Variants in PTCH2 observed in about 807,000 individuals in gnomAD.
PTCH2 encodes the protein patched 2, also known as protein patched homolog 2.
Under a neutral mutation model 117.9 loss-of-function variants are expected in PTCH2, and 96 were observed. The ratio of observed to expected loss-of-function variants is 0.81; its 90% CI spans 0.69 to 0.96. The LOEUF is 0.96. Among genes scored for constraint, PTCH2 ranks in the 50% least tolerant of loss-of-function variants. The pLI, the probability that PTCH2 is intolerant of heterozygous loss-of-function variation, is 0.00. For synonymous variants in PTCH2, 615 were observed against 660.9 expected, an observed-to-expected ratio of 0.93 and a Z score of 1.06; for missense variants, 1,379 against 1,562.5, an observed-to-expected ratio of 0.88 and a Z score of 1.98.
intron 1 of PTCH2, among the ~76,000 whole-genome samples, chr1:44,842,274 C>CT (rs200149437): frequency 0.03 from 3,872 of 130,374 alleles, 71 homozygotes; most frequent in African/African-American, 0.044. Flanking sequence ...GTTTTCTCTC[C>CT]TTTTTTTTTT....
At position 44,826,881 on chromosome 1, in the gene PTCH2, C is replaced by A. The variant is rs556049803; in HGVS notation, c.2695+21G>T. 1.9e-6 allele frequency: 3 copies of A among 1,613,778 alleles called. No homozygotes were observed. The highest frequency in any genetic ancestry group is 2.2e-5 in the East Asian group (1 of 44,870). On this transcript the variant is annotated intron_variant, in intron 17 of 21. Coordinates refer to ENST00000372192, the MANE Select transcript of PTCH2 (RefSeq NM_003738.5). This position sits in a 1 kb window ranked among gnomAD's most constrained non-coding sequence, Gnocchi z 5.1. Reference sequence around the variant, plus strand: ...GTGTGGGCGAGGCTGAGGCTCTTGCCGAGCTCCCCCCAAGACTCACTGCGA... The same window carrying A: ...GTGTGGGCGAGGCTGAGGCTCTTGCAGAGCTCCCCCCAAGACTCACTGCGA...
chr1:44,820,528 C>T (rs1473877932), downstream of PTCH2: 5 of 678,820 alleles, frequency 7.4e-6, no homozygotes, highest in Non-Finnish European at 1.4e-5. Context: ...ATCCAATTCA[C>T]CTCGAAGGGT....
chr1:44,828,236 C>T (rs769618512), intron 13 of PTCH2, 45 bp from the exon 14 acceptor site: 2 of 1,612,874 alleles, frequency 1.2e-6, no homozygotes, highest in Non-Finnish European at 1.7e-6. Context: ...CCTTGAAATG[C>T]TGGTGAGGGG....
At position 44,823,198 on chromosome 1, in the gene PTCH2, CAG is replaced by C. The variant is rs750342578; in HGVS notation, c.3258-32_3258-31del. The C allele has an allele frequency of 2.5e-6, 4 of 1,614,138 alleles. No homozygotes were observed. The highest frequency in any genetic ancestry group is 3.4e-6 in the Non-Finnish European group (4 of 1,180,006). On this transcript the variant is annotated intron_variant, in intron 20 of 21. Coordinates refer to ENST00000372192, the MANE Select transcript of PTCH2 (RefSeq NM_003738.5). This position sits in a 1 kb window ranked among gnomAD's most constrained non-coding sequence, Gnocchi z 5.1. ...GGGTAGGGTGTGGGGGGAGTCAGCC[CAG>C]GCCTGTCCTGAGCCCTGCCTCCCTG...
rs1161806201 is a variant in PTCH2, at chr1:44,840,101, A to ATT, written c.265+1744_265+1745dup. ...CAGGAAAGAAGAGAGTCATGCTGAA[A>ATT]TTTTTTTTTTTTTTTTTTTGAGATG... On this transcript the variant is annotated intron_variant, in intron 2 of 21. Transcript: ENST00000372192. Among the ~76,000 whole-genome samples, 829 of 132,306 alleles carry ATT rather than the reference A, an allele frequency of 6.3e-3. 1 individual carries two copies. Among genetic ancestry groups the ATT allele is most frequent in the African/African-American group, 9.3e-3 (316 of 33,840 alleles). The allele number at this position is 132,306 out of a possible 152,430, so 86.8% of individuals were successfully genotyped here. A position where few individuals can be genotyped will look rare whatever the true frequency, so the allele number is the denominator to read the frequency against.
chr1:44,826,782 G>A lies in PTCH2; in HGVS notation c.2696-14C>T, dbSNP rs979582579. ...GAGCTGGCGGGACTGTGGAGGGGAGGGGAAGGGAGAAGAGGGAGAGGGACA... is the reference window on the plus strand; with the variant it reads ...GAGCTGGCGGGACTGTGGAGGGGAGAGGAAGGGAGAAGAGGGAGAGGGACA... On this transcript the variant is annotated splice_polypyrimidine_tract_variant and intron_variant, in intron 17 of 21. Transcript: ENST00000372192. The surrounding 1 kb of genome is among the most constrained non-coding windows in gnomAD (Gnocchi z 5.1). 3 of 1,600,838 alleles carry A rather than the reference G, an allele frequency of 1.9e-6. No homozygotes were observed. In the African/African-American group the frequency reaches 4.0e-5, roughly 21 times the overall value.
intron 2 of PTCH2, among the ~76,000 whole-genome samples, chr1:44,841,417 G>T (rs933169462): frequency 6.6e-6 from 1 of 152,088 alleles, no homozygotes; most frequent in Non-Finnish European, 1.5e-5. Context: ...TGATTCTGCT[G>T]GTCAGAAGTG....
At position 44,827,910 on chromosome 1, in the gene PTCH2, G is replaced by A. The variant is rs1461435360; in HGVS notation, c.1991C>T (p.Ala664Val). 7.4e-6 allele frequency: 12 copies of A among 1,614,088 alleles called. No individual in the cohort carries two copies. The highest frequency in any genetic ancestry group is 1.0e-5 in the Non-Finnish European group (12 of 1,180,050). Residue 664 changes from alanine (A) to valine (V), a missense_variant, in exon 14 of 22, where the codon GCC becomes GTC. Ala to Val is a moderately conservative substitution (Grantham distance 64). Transcript: ENST00000372192. ...QKAACKSLPC[A>V]RWNLAHFARY... The stretch of plus-strand genomic sequence containing the variant: ...GGCGAAATGGGCAAGATTCCAGCGG[G>A]CACAGGGCAGGGACTTGCAGGCTGC...
chr1:44,842,274 CTTTTTTTTTT>C (rs200149437), intron 1 of PTCH2, among the ~76,000 whole-genome samples: 1 of 130,904 alleles, frequency 7.6e-6, no homozygotes, highest in Non-Finnish European at 1.6e-5. Flanking sequence ...GTTTTCTCTC[CTTTTTTTTTT>C]TTTTTTTTTT....
chr1:44,828,492 G>C lies in PTCH2; in HGVS notation c.1590+14C>G, dbSNP rs750271732. ...CCACACCCACCCTGAGCTGCCCCGT[G>C]TGAGAGGCCTCACCTGTAGGGAGAA... On this transcript the variant is annotated intron_variant, in intron 12 of 21. Coordinates refer to ENST00000372192, the MANE Select transcript of PTCH2 (RefSeq NM_003738.5). 1 of 1,614,180 alleles carries C rather than the reference G, an allele frequency of 6.2e-7. No individual in the cohort carries two copies. The highest frequency in any genetic ancestry group is 1.7e-5 in the Admixed American group (1 of 60,032).
In PTCH2 at chr1:44,842,922, G is replaced by A. The variant is rs1654019978; in HGVS notation, c.11C>T (p.Ser4Leu). ...CGGGGGCAGCTCTCTGAGGGGCGGCGATCGAGTCATGCTGGCGGGGATGGG... is the reference window on the plus strand; with the variant it reads ...CGGGGGCAGCTCTCTGAGGGGCGGCAATCGAGTCATGCTGGCGGGGATGGG... MTR[S>L]PPLRELPPSY... The change falls in exon 1 of 22, where the codon TCG (serine) becomes TTG (leucine). Residue 4 changes from serine (S) to leucine (L), a missense_variant. Coordinates refer to ENST00000372192, the MANE Select transcript of PTCH2 (RefSeq NM_003738.5). 6.5e-7 allele frequency: 1 copy of A among 1,546,554 alleles called. No individual in the cohort carries two copies.
Position 44,823,929 on chromosome 1 carries a change from C to T in PTCH2, c.3115-544G>A, listed in dbSNP as rs1653028685. Among the ~76,000 whole-genome samples, 1 of 146,802 alleles carries T rather than the reference C, an allele frequency of 6.8e-6. No individual in the cohort carries two copies. The highest frequency in any genetic ancestry group is 2.6e-5 in the African/African-American group (1 of 37,800). On this transcript the variant is annotated intron_variant, in intron 19 of 21. Coordinates refer to ENST00000372192, the MANE Select transcript of PTCH2 (RefSeq NM_003738.5). The surrounding 1 kb of genome is among the most constrained non-coding windows in gnomAD (Gnocchi z 5.1). Reference sequence around the variant, plus strand: ...CTCCAGCCTGGGCGACAGAGTGAGACCCTGTTTCAAACAAACAAACAAACA... The same window carrying T: ...CTCCAGCCTGGGCGACAGAGTGAGATCCTGTTTCAAACAAACAAACAAACA...
rs1274966701 is a variant in PTCH2, at chr1:44,830,092, G to A, written c.814-62C>T. 2.5e-6 allele frequency: 4 copies of A among 1,599,776 alleles called. No homozygotes were observed. In the East Asian group the frequency reaches 9.0e-5, roughly 36 times the overall value. ...TGGCCGTGGATAACTGAGTGTCCCTGGGCTTCCACCTCCAGGAACCACGCT... is the reference window on the plus strand; with the variant it reads ...TGGCCGTGGATAACTGAGTGTCCCTAGGCTTCCACCTCCAGGAACCACGCT... On this transcript the variant is annotated intron_variant, in intron 6 of 21. Transcript: ENST00000372192.
chr1:44,822,551 G>C lies in PTCH2; in HGVS notation c.3476C>G (p.Ser1159Cys). 2 of 1,614,118 alleles carry C rather than the reference G, an allele frequency of 1.2e-6. No homozygotes were observed. Among genetic ancestry groups the C allele is most frequent in the South Asian group, 1.1e-5 (1 of 91,086 alleles). ...LPQSFARVTT[S>C]MTVAIHPPPL... is the part of the protein sequence containing the mutation. ...GGGTGGGTGGATGGCCACGGTCATG[G>C]AGGTAGTCACTCTGGCAAAGCTCTG... Residue 1159 changes from serine to cysteine, a missense_variant, in exon 22 of 22, where the codon TCC becomes TGC. Physicochemically the swap from Ser to Cys is moderately radical, Grantham distance 112. Coordinates refer to ENST00000372192, the MANE Select transcript of PTCH2 (RefSeq NM_003738.5).
chr1:44,834,761 TGCAGAA>T (rs938150140), intron 2 of PTCH2, among the ~76,000 whole-genome samples: 5 of 152,230 alleles, frequency 3.3e-5, no homozygotes, highest in African/African-American at 1.2e-4. Context: ...TGCATTGTGG[TGCAGAA>T]AGGAAGAGTC....
At chr1:44,833,888 C>T (rs1653569672) in intron 2 of PTCH2, among the ~76,000 whole-genome samples, 1 of 151,956 alleles carries the variant, frequency 6.6e-6, no homozygotes, top group African/African-American at 2.4e-5. Context: ...TCCTCCCACC[C>T]CAGCCTCCTA....
In PTCH2 at chr1:44,826,241, C is replaced by T. The variant is rs181508787; in HGVS notation, c.3114+9G>A. ...CTGATTGGTCCCTCCCCGGGGTGCC[C>T]GTGCTCACCAGAGCCACGTGGACTG... On this transcript the variant is annotated intron_variant, in intron 19 of 21. Transcript: ENST00000372192. The surrounding 1 kb of genome is among the most constrained non-coding windows in gnomAD (Gnocchi z 5.1). The T allele has an allele frequency of 1.5e-5, 24 of 1,613,758 alleles. No homozygotes were observed. Among genetic ancestry groups the T allele is most frequent in the Admixed American group, 8.3e-5 (5 of 59,968 alleles).
At position 44,822,564 on chromosome 1, in the gene PTCH2, T is replaced by C. The variant is rs559093716; in HGVS notation, c.3463A>G (p.Arg1155Gly). The C allele has an allele frequency of 1.2e-6, 2 of 1,614,100 alleles. No individual in the cohort carries two copies. The highest frequency in any genetic ancestry group is 4.5e-5 in the East Asian group (2 of 44,878). ...ASSSLPQSFARVTTSMTVAIH... is the reference protein window; with the variant it reads ...ASSSLPQSFAGVTTSMTVAIH... ...GCCACGGTCATGGAGGTAGTCACTC[T>C]GGCAAAGCTCTGGGGCAGGGAGGAG... Residue 1155 changes from arginine to glycine, a missense_variant, in exon 22 of 22, where the codon AGA becomes GGA. Arg to Gly is a moderately radical substitution (Grantham distance 125). Transcript: ENST00000372192.
rs1653008301 is a variant in PTCH2 at position 44,823,540 on chromosome 1, T to C, written c.3115-155A>G. On this transcript the variant is annotated intron_variant, in intron 19 of 21. Transcript: ENST00000372192. The surrounding 1 kb of genome is among the most constrained non-coding windows in gnomAD (Gnocchi z 5.1). ...ATGGGAACTGTACAGGGAGCATGCGTGAGTCCTTTTAGGTAACACTGTATG... is the reference window on the plus strand; with the variant it reads ...ATGGGAACTGTACAGGGAGCATGCGCGAGTCCTTTTAGGTAACACTGTATG... Among the ~76,000 whole-genome samples, 1 of 152,192 alleles carries C rather than the reference T, an allele frequency of 6.6e-6. No homozygotes were observed. The highest frequency in any genetic ancestry group is 2.4e-5 in the African/African-American group (1 of 41,444).
Sources: gnomAD v4.1 joint callset for allele counts (sites outside exome capture counted in the v4.1 genomes callset) on GRCh38, gnomAD v4.1.1 for gene constraint, Gnocchi (gnomAD v3.1) non-coding constraint, MANE v1.5 for transcripts, NCBI Gene and HGNC (gene_info 2026-07-23, HGNC 2026-07-21) for gene names.